The following AKAIN1 variants were observed in gnomAD, a reference collection of about 807,000 sequenced individuals.
AKAIN1 encodes the protein A-kinase anchor inhibitor 1.
Under a neutral mutation model 3.7 loss-of-function variants are expected in AKAIN1, and 3 were observed. The ratio of observed to expected loss-of-function variants is 0.82; its 90% CI spans 0.37 to 2.12. The LOEUF (loss-of-function observed/expected upper bound fraction) is 2.12, where lower values mean the gene tolerates loss of function less well. Ranked by LOEUF, AKAIN1 falls within the 30% of genes most tolerant of loss-of-function variation. AKAIN1 has a pLI of 0.06. For synonymous variants in AKAIN1, 31 were observed against 30.8 expected (o/e 1.01, Z -0.02); for missense variants, 82 against 82.7 (o/e 0.99, Z 0.03).
chr18:5,161,857 T>A (rs2071141240), intron 1 of AKAIN1, among the ~76,000 whole-genome samples: 1 of 152,148 alleles, frequency 6.6e-6, no homozygotes, highest in Non-Finnish European at 1.5e-5. Flanking sequence ...AACCAATCTT[T>A]AATTCTTTGG....
intron 1 of AKAIN1, among the ~76,000 whole-genome samples, chr18:5,189,303 T>A (rs2071305357): frequency 6.6e-6 from 1 of 152,190 alleles, no homozygotes; most frequent in South Asian, 2.1e-4. Context: ...GCACCTGGCA[T>A]CCTTCTATCC....
chr18:5,191,410 C>G (rs571036078), intron 1 of AKAIN1, among the ~76,000 whole-genome samples: 3 of 152,140 alleles, frequency 2.0e-5, no homozygotes, highest in South Asian at 4.1e-4. Context: ...ATAGCTCCCC[C>G]CAAAAGATAC....
At chr18:5,172,205 G>A (rs1255491845) in intron 1 of AKAIN1, among the ~76,000 whole-genome samples, 2 of 152,052 alleles carry the variant, frequency 1.3e-5, no homozygotes, top group South Asian at 2.1e-4. Context: ...AAGGGTAGTG[G>A]GGAGTGGGGA....
At chr18:5,171,760 C>T (rs1053149944) in intron 1 of AKAIN1, among the ~76,000 whole-genome samples, 1 of 152,092 alleles carries the variant, frequency 6.6e-6, no homozygotes, top group Non-Finnish European at 1.5e-5. Context: ...ATTAGTACAA[C>T]CACTATGGAG....
At chr18:5,162,203 GA>G (rs1029866437) in intron 1 of AKAIN1, among the ~76,000 whole-genome samples, 1 of 152,100 alleles carries the variant, frequency 6.6e-6, no homozygotes, top group Non-Finnish European at 1.5e-5. Context: ...CTCTTAGAAA[GA>G]AAACTCCAGA....
intron 1 of AKAIN1, among the ~76,000 whole-genome samples, chr18:5,181,710 C>T (rs11659500): frequency 0.14 from 21,353 of 152,122 alleles, 2,029 homozygotes; most frequent in Middle Eastern, 0.26. Flanking sequence ...AAAACACCAA[C>T]CCTCTCCTAA....
intron 1 of AKAIN1, among the ~76,000 whole-genome samples, chr18:5,156,166 G>A (rs1042168091): frequency 6.6e-6 from 1 of 152,140 alleles, no homozygotes; most frequent in African/African-American, 2.4e-5. Flanking sequence ...CGGGCATGGT[G>A]AGGACATGCT....
At chr18:5,186,387 A>C (rs188474953) in intron 1 of AKAIN1, among the ~76,000 whole-genome samples, 73 of 152,288 alleles carry the variant, frequency 4.8e-4, no homozygotes, top group African/African-American at 1.7e-3. Context: ...AGTTGAAAAA[A>C]AGCACTGGAT....
At chr18:5,147,182 A>G (rs896644602) in intron 1 of AKAIN1, among the ~76,000 whole-genome samples, 1 of 152,224 alleles carries the variant, frequency 6.6e-6, no homozygotes, top group East Asian at 1.9e-4. Context: ...ATTAAAATAC[A>G]AACTGTTTTC....
At chr18:5,173,509 G>GA (rs1281959400) in intron 1 of AKAIN1, among the ~76,000 whole-genome samples, 1 of 152,138 alleles carries the variant, frequency 6.6e-6, no homozygotes, top group Non-Finnish European at 1.5e-5. Flanking sequence ...TCCTTTGGAG[G>GA]AAAAAACACA....
intron 1 of AKAIN1, among the ~76,000 whole-genome samples, chr18:5,168,451 C>T (rs918646994): frequency 1.3e-5 from 2 of 152,020 alleles, no homozygotes; most frequent in Non-Finnish European, 2.9e-5. Flanking sequence ...AAGCTAAACA[C>T]CTTTTGAAAG....
rs1598303101 is a variant in AKAIN1, at chr18:5,145,269, C to A, written c.*293G>T. ...AAGTAAATAAACGAGACATAGAATT[C>A]TTTTTTTCAAATAAAAGAACTTTAA... On this transcript the variant is annotated 3_prime_UTR_variant, in exon 2 of 2. Transcript: ENST00000434239. 1.9e-5 allele frequency: 5 copies of A among 266,726 alleles called. No individual in the cohort carries two copies. In the East Asian group the frequency reaches 3.6e-4, roughly 19 times the overall value. The allele number at this position is 266,726 out of a possible 1,614,324, so 16.5% of individuals were successfully genotyped here. A position where few individuals can be genotyped will look rare whatever the true frequency, so the allele number is the denominator to read the frequency against.
Position 5,145,711 on chromosome 18 carries a change from C to T in AKAIN1, c.61G>A (p.Ala21Thr). 6.4e-7 allele frequency: 1 copy of T among 1,551,532 alleles called. No individual in the cohort carries two copies. Among genetic ancestry groups the T allele is most frequent in the Non-Finnish European group, 8.7e-7 (1 of 1,146,876 alleles). The change falls in exon 2 of 2, where the codon GCC becomes ACC. Residue 21 changes from alanine to threonine, a missense_variant. Coordinates refer to ENST00000434239, the MANE Select transcript of AKAIN1 (RefSeq NM_001145194.2). ...GCATTCTGCACAATCTGTTTGCTGG[C>T]ATTCTGCAGCTTCACCTCTTCAGGC... The part of the protein sequence containing the change: ...NEPEEVKLQN[A>T]SKQIVQNAIL...
rs1034903849 is a variant in AKAIN1 at position 5,197,133 on chromosome 18, G to T, written c.-80C>A. 1.3e-6 allele frequency: 2 copies of T among 1,544,914 alleles called. No individual in the cohort carries two copies. The highest frequency in any genetic ancestry group is 2.5e-5 in the East Asian group (1 of 40,802). ...GGATGGGAAGAAGGCCGGACTTGGC[G>T]GGGTCCGGTGCAGGAGGGCGCGCTG... On this transcript the variant is annotated 5_prime_UTR_variant, in exon 1 of 2. Coordinates refer to ENST00000434239, the MANE Select transcript of AKAIN1 (RefSeq NM_001145194.2). This position sits in a 1 kb window ranked among gnomAD's most constrained non-coding sequence, Gnocchi z 6.9.
intron 1 of AKAIN1, among the ~76,000 whole-genome samples, chr18:5,162,668 C>T (rs2071146757): frequency 1.4e-5 from 2 of 147,036 alleles, no homozygotes; most frequent in Non-Finnish European, 3.0e-5. Context: ...GTGTGTGTAG[C>T]TGCTGGGCTG....
chr18:5,175,810 A>T (rs1291216228), intron 1 of AKAIN1, among the ~76,000 whole-genome samples: 1 of 152,060 alleles, frequency 6.6e-6, no homozygotes, highest in East Asian at 1.9e-4. Context: ...ACTTTAAATT[A>T]TAGGGTTTTT....
At chr18:5,160,529 T>C (rs751850452) in intron 1 of AKAIN1, among the ~76,000 whole-genome samples, 1 of 152,160 alleles carries the variant, frequency 6.6e-6, no homozygotes, top group African/African-American at 2.4e-5. Flanking sequence ...AAAAAGAACC[T>C]CTGTGTTTCT....
intron 1 of AKAIN1, among the ~76,000 whole-genome samples, chr18:5,169,724 T>C (rs984113229): frequency 2.6e-5 from 4 of 152,170 alleles, no homozygotes; most frequent in Admixed American, 2.6e-4. Context: ...ACATGGATTT[T>C]AGAAAATCTA....
At chr18:5,173,831 G>A (rs2071210823) in intron 1 of AKAIN1, among the ~76,000 whole-genome samples, 1 of 152,068 alleles carries the variant, frequency 6.6e-6, no homozygotes, top group Admixed American at 6.6e-5. Context: ...TCTTTGGCAT[G>A]ATCCCCCCTC....
Sources: gnomAD v4.1 joint callset for allele counts (sites outside exome capture counted in the v4.1 genomes callset) on GRCh38, gnomAD v4.1.1 for gene constraint, Gnocchi (gnomAD v3.1) non-coding constraint, MANE v1.5 for transcripts, NCBI Gene and HGNC (gene_info 2026-07-23, HGNC 2026-07-21) for gene names.